Variants in TRAF3IP1 observed in about 807,000 individuals in gnomAD.
TRAF3IP1 encodes TRAF3-interacting protein 1.
A neutral mutation model predicts 89.9 loss-of-function variants in TRAF3IP1; 53 were observed. The ratio of observed to expected loss-of-function variants is 0.59; its 90% CI spans 0.47 to 0.74. TRAF3IP1 has a LOEUF of 0.74. Ranked by LOEUF, TRAF3IP1 falls within the 30% of genes least tolerant of loss-of-function variation. The pLI is 0.00. For synonymous variants in TRAF3IP1, 311 were observed against 322.1 expected, an observed-to-expected ratio of 0.97 and a Z score of 0.37; for missense variants, 806 against 866.1, an observed-to-expected ratio of 0.93 and a Z score of 0.87.
At chr2:238,356,944 A>AATATTTTGT (rs1210865774) in intron 15 of TRAF3IP1, among the ~76,000 whole-genome samples, 4 of 151,726 alleles carry the variant, frequency 2.6e-5, no homozygotes, top group Non-Finnish European at 5.9e-5. Context: ...GCTCCTAGCT[A>AATATTTTGT]ATATTTTGTA....
At chr2:238,342,413 G>A (rs746190188) in intron 8 of TRAF3IP1, among the ~76,000 whole-genome samples, 1 of 152,024 alleles carries the variant, frequency 6.6e-6, no homozygotes, top group African/African-American at 2.4e-5. Context: ...GCTATAGTCT[G>A]TTTTCATGTT....
intron 15 of TRAF3IP1, among the ~76,000 whole-genome samples, chr2:238,361,307 A>T (rs1449629260): frequency 1.3e-5 from 2 of 152,194 alleles, no homozygotes; most frequent in African/African-American, 4.8e-5. Flanking sequence ...GGCCTCCCAA[A>T]GTGAACCACT....
chr2:238,334,672 TAAA>T (rs1436152507), intron 7 of TRAF3IP1, among the ~76,000 whole-genome samples: 1 of 152,204 alleles, frequency 6.6e-6, no homozygotes, highest in African/African-American at 2.4e-5. Context: ...GTGTGTAAGT[TAAA>T]GAAGGGTGGC....
At chr2:238,323,298 C>T (rs1402306712) in intron 1 of TRAF3IP1, among the ~76,000 whole-genome samples, 6 of 152,162 alleles carry the variant, frequency 3.9e-5, no homozygotes, top group South Asian at 2.1e-4. Context: ...GGCCTGATCT[C>T]GAACTCCTGA....
chr2:238,330,503 C>T (rs767700919), intron 5 of TRAF3IP1, among the ~76,000 whole-genome samples: 4 of 152,148 alleles, frequency 2.6e-5, no homozygotes, highest in Admixed American at 2.0e-4. Context: ...ACACTGAGGT[C>T]GGGAAGGGAT....
At chr2:238,326,077 G>A in intron 3 of TRAF3IP1, 107 bp downstream of exon 3, 1 of 1,101,618 alleles carries the variant, frequency 9.1e-7, no homozygotes, top group Non-Finnish European at 1.3e-6. Flanking sequence ...AGTTTCAGTG[G>A]TGTCTGTCAA....
chr2:238,348,879 C>A (rs1346675752), intron 11 of TRAF3IP1, 31 bp downstream of exon 11: 8 of 1,585,566 alleles, frequency 5.0e-6, no homozygotes, highest in Non-Finnish European at 6.9e-6. Context: ...TTTCCCTCAG[C>A]AGAGTGATCA....
chr2:238,373,828 C>T (rs1700208229), intron 15 of TRAF3IP1, among the ~76,000 whole-genome samples: 2 of 152,170 alleles, frequency 1.3e-5, no homozygotes, highest in Admixed American at 1.3e-4. Flanking sequence ...GTTTGTAGTT[C>T]TCCTTGAAGA....
intron 15 of TRAF3IP1, among the ~76,000 whole-genome samples, chr2:238,374,662 T>G (rs1700242792): frequency 6.6e-6 from 1 of 152,228 alleles, no homozygotes; most frequent in African/African-American, 2.4e-5. Flanking sequence ...TTAGGGAGGA[T>G]TCCCTCTTTT....
At chr2:238,361,811 G>A (rs572667521) in intron 15 of TRAF3IP1, among the ~76,000 whole-genome samples, 2 of 148,020 alleles carry the variant, frequency 1.4e-5, no homozygotes, top group South Asian at 2.1e-4. Flanking sequence ...GATTTTGACC[G>A]GAATCGTATT....
chr2:238,341,313 G>C (rs1698642204), intron 8 of TRAF3IP1, among the ~76,000 whole-genome samples: 1 of 151,346 alleles, frequency 6.6e-6, no homozygotes, highest in Admixed American at 6.6e-5. Context: ...TAAGCCAGCA[G>C]ACCCAGCATA....
chr2:238,329,500 A>C (rs1283642050), intron 5 of TRAF3IP1, among the ~76,000 whole-genome samples, 158 bp downstream of exon 5: 1 of 152,232 alleles, frequency 6.6e-6, no homozygotes, highest in Non-Finnish European at 1.5e-5. Context: ...AAACCCAAAG[A>C]GATACTTATT....
intron 15 of TRAF3IP1, among the ~76,000 whole-genome samples, chr2:238,372,689 T>A (rs1700159691): frequency 6.6e-6 from 1 of 152,226 alleles, no homozygotes; most frequent in Non-Finnish European, 1.5e-5. Flanking sequence ...TAGTTCTACA[T>A]CCTTGAGGAA....
At chr2:238,335,766 TTTTATTTATTTATTTATTTATTTATTTA>T (rs141038702) in intron 7 of TRAF3IP1, among the ~76,000 whole-genome samples, 1 of 137,102 alleles carries the variant, frequency 7.3e-6, no homozygotes, top group Admixed American at 7.5e-5. Flanking sequence ...TTTTATTTTA[TTTTATTTATTTATTTATTTATTTATTTA>T]TTTATTTATT....
intron 3 of TRAF3IP1, among the ~76,000 whole-genome samples, chr2:238,326,219 G>A (rs1388220618): frequency 2.6e-5 from 4 of 152,214 alleles, no homozygotes; most frequent in Non-Finnish European, 1.5e-5. Context: ...TAGAAAGTCG[G>A]GAACCCTGCA....
At chr2:238,329,365 G>C (rs368452242) in intron 5 of TRAF3IP1, 23 bp downstream of exon 5, 81 of 1,340,880 alleles carry the variant, frequency 6.0e-5, no homozygotes, top group Non-Finnish European at 7.0e-5. Flanking sequence ...TGAGAACCTC[G>C]CCTTTTGCTT....
intron 15 of TRAF3IP1, among the ~76,000 whole-genome samples, chr2:238,384,374 ATGTATG>A (rs1482442743): frequency 2.8e-4 from 36 of 128,304 alleles, no homozygotes; most frequent in South Asian, 1.3e-3. Flanking sequence ...GTATGTATGT[ATGTATG>A]TATATATATA....
At chr2:238,335,187 G>GC (rs1698325217) in intron 7 of TRAF3IP1, among the ~76,000 whole-genome samples, 1 of 152,190 alleles carries the variant, frequency 6.6e-6, no homozygotes, top group African/African-American at 2.4e-5. Context: ...ACTGTTATGT[G>GC]CTTGAGGCCT....
At chr2:238,337,917 G>T (rs1005048893) in intron 7 of TRAF3IP1, among the ~76,000 whole-genome samples, 5 of 152,164 alleles carry the variant, frequency 3.3e-5, no homozygotes, top group Admixed American at 2.6e-4. Flanking sequence ...GAGAGCTGGA[G>T]AAACCAAAGG....
Sources: gnomAD v4.1 joint callset for allele counts (sites outside exome capture counted in the v4.1 genomes callset) on GRCh38, gnomAD v4.1.1 for gene constraint, MANE v1.5 for transcripts, NCBI Gene and HGNC (gene_info 2026-07-23, HGNC 2026-07-21) for gene names.